The following CCDC17 variants were observed in gnomAD, a reference collection of about 807,000 sequenced individuals.
CCDC17 encodes coiled-coil domain containing 17.
In CCDC17, 79 loss-of-function variants were observed where a neutral mutation model predicts 68.0. The ratio of observed to expected loss-of-function variants is 1.16; its 90% CI spans 0.97 to 1.40. The LOEUF is 1.40. Among genes scored for constraint, CCDC17 ranks in the 40% most tolerant of loss-of-function variants. CCDC17 has a pLI of 0.00. For synonymous variants in CCDC17, 376 were observed against 337.5 expected, an observed-to-expected ratio of 1.11 and a Z score of -1.25; for missense variants, 846 against 811.5, an observed-to-expected ratio of 1.04 and a Z score of -0.52.
rs752446141 is a variant in CCDC17 at position 45,620,722 on chromosome 1, C to G, written c.1710+1G>C. ...GTCCCTAGCTGCAGCTGGGCCCTCA[C>G]CGGAGGTGGGTACTGGTACTCATGG... On this transcript the variant is annotated splice_donor_variant, in intron 12 of 12. Coordinates refer to ENST00000528266, the MANE Select transcript of CCDC17 (RefSeq NM_001114938.3). LOFTEE classifies it high-confidence loss of function. 16 of 1,596,322 alleles carry G rather than the reference C, an allele frequency of 1.0e-5. No individual in the cohort carries two copies. The highest frequency in any genetic ancestry group is 1.4e-5 in the Non-Finnish European group (16 of 1,171,380).
intron 6 of CCDC17, 71 bp downstream of exon 6, chr1:45,622,478 C>A: frequency 6.7e-7 from 1 of 1,495,556 alleles, no homozygotes; most frequent in Non-Finnish European, 9.1e-7. Flanking sequence ...CATCCACAGC[C>A]ACAGGCCCTC....
rs1569704205 is a variant in CCDC17, at chr1:45,623,994, A to C, written c.-85T>G. The C allele has an allele frequency of 1.0e-6, 1 of 967,450 alleles. No homozygotes were observed. The highest frequency in any genetic ancestry group is 2.6e-5 in the East Asian group (1 of 37,916). 59.9% of individuals were successfully genotyped at this position (967,450 alleles called of 1,614,324 possible). ...AAAGGCAGAGGAGGATGAAAGAGAC[A>C]TAAAGCCAGAGGCAGAGAGGAAAGG... On this transcript the variant is annotated 5_prime_UTR_variant, in exon 1 of 13. An upstream start codon of the reference 5' UTR is lost. Coordinates refer to ENST00000528266, the MANE Select transcript of CCDC17 (RefSeq NM_001114938.3).
rs1644333158 is a variant in CCDC17 at position 45,623,096 on chromosome 1, A to G, written c.515T>C (p.Val172Ala). ...RGEELSRRLQ[V>A]VACTRGGMSR... The stretch of plus-strand genomic sequence containing the variant: ...CATCCCGCCCCGCGTACAGGCCACA[A>G]CTTGGAGGCGTCGGCTCAGTTCTGA... Residue 172 changes from valine (V) to alanine (A), a missense_variant, in exon 4 of 13, where the codon GTT becomes GCT. By Grantham distance (64) the Val-to-Ala change is moderately conservative. Coordinates refer to ENST00000528266, the MANE Select transcript of CCDC17 (RefSeq NM_001114938.3). 6.3e-7 allele frequency: 1 copy of G among 1,582,988 alleles called. No homozygotes were observed. Among genetic ancestry groups the G allele is most frequent in the Non-Finnish European group, 8.6e-7 (1 of 1,165,038 alleles).
intron 12 of CCDC17, 54 bp downstream of exon 12, chr1:45,620,669 C>T (rs1644219318): frequency 6.4e-7 from 1 of 1,555,392 alleles, no homozygotes; most frequent in Non-Finnish European, 8.7e-7. Context: ...TTAGCCATAC[C>T]AGCCACACCG....
At chr1:45,622,498 C>A in intron 6 of CCDC17, 51 bp downstream of exon 6, 2 of 1,526,858 alleles carry the variant, frequency 1.3e-6, no homozygotes, top group South Asian at 1.2e-5. Flanking sequence ...CCCTCGAGTT[C>A]TTTTCTCCTC....
chr1:45,624,005 G>C lies in CCDC17; in HGVS notation c.-96C>G, dbSNP rs1644374401. 1.1e-6 allele frequency: 1 copy of C among 891,276 alleles called. No individual in the cohort carries two copies. The highest frequency in any genetic ancestry group is 1.7e-6 in the Non-Finnish European group (1 of 591,484). The allele number at this position is 891,276 out of a possible 1,614,324, so 55.2% of individuals were successfully genotyped here. A position where few individuals can be genotyped will look rare whatever the true frequency, so the allele number is the denominator to read the frequency against. The stretch of plus-strand genomic sequence containing the variant: ...AGGATGAAAGAGACATAAAGCCAGA[G>C]GCAGAGAGGAAAGGCCGTGTCTATT... On this transcript the variant is annotated 5_prime_UTR_variant, in exon 1 of 13. Coordinates refer to ENST00000528266, the MANE Select transcript of CCDC17 (RefSeq NM_001114938.3).
At position 45,621,981 on chromosome 1, in the gene CCDC17, G is replaced by A. The variant is rs111824448; in HGVS notation, c.982C>T (p.Arg328Ter). The change falls in exon 8 of 13, where the codon CGA becomes TGA. Residue 328 changes from arginine to a stop codon, truncating the protein, a stop_gained. Coordinates refer to ENST00000528266, the MANE Select transcript of CCDC17 (RefSeq NM_001114938.3). LOFTEE classifies it high-confidence loss of function. The part of the protein sequence containing the change: ...GRAPLGPQDL[R>*]LLGDASLQPK... The stretch of plus-strand genomic sequence containing the variant: ...TGTAGGCTGGCATCCCCCAGGAGTC[G>A]CAGATCCTGGGGCCCTAGGAGCAGA... 30 of 1,607,502 alleles carry A rather than the reference G, an allele frequency of 1.9e-5. No individual in the cohort carries two copies. Among genetic ancestry groups the A allele is most frequent in the South Asian group, 8.9e-5 (8 of 89,620 alleles).
At chr1:45,622,717 T>C (rs1210155590) in intron 5 of CCDC17, 34 bp downstream of exon 5, 1 of 1,561,998 alleles carries the variant, frequency 6.4e-7, no homozygotes, top group Admixed American at 1.9e-5. Flanking sequence ...GCTCAGCGCT[T>C]CGCCCTATGC....
At chr1:45,622,059 C>T in intron 7 of CCDC17, 64 bp from the exon 8 acceptor site, 2 of 1,493,640 alleles carry the variant, frequency 1.3e-6, no homozygotes, top group South Asian at 2.4e-5. Flanking sequence ...TGAGATACCC[C>T]TCCCCCAAGA....
intron 2 of CCDC17, 40 bp downstream of exon 2, chr1:45,623,517 C>G (rs1469183636): frequency 1.3e-6 from 2 of 1,548,644 alleles, no homozygotes; most frequent in Admixed American, 3.9e-5. Flanking sequence ...GGGGAAGACG[C>G]TCAACGTTTT....
Position 45,623,849 on chromosome 1 carries a change from G to T in CCDC17, c.61C>A (p.Arg21Ser). 1 of 1,550,766 alleles carries T rather than the reference G, an allele frequency of 6.4e-7. No individual in the cohort carries two copies. The highest frequency in any genetic ancestry group is 8.7e-7 in the Non-Finnish European group (1 of 1,146,504). The change falls in exon 1 of 13, where the codon CGC (arginine) becomes AGC (serine). Residue 21 changes from arginine (R) to serine (S), a missense_variant. By Grantham distance (110) the Arg-to-Ser change is moderately radical (BLOSUM62 -1). Transcript: ENST00000528266. The part of the protein sequence containing the change: ...LPCGTCDMVF[R>S]SSALLATHTQ... ...TGGGTGGCTAACAGAGCTGAGGAGCGGAAAACCATGTCACAGGTCCCACAG... is the reference window on the plus strand; with the variant it reads ...TGGGTGGCTAACAGAGCTGAGGAGCTGAAAACCATGTCACAGGTCCCACAG...
Position 45,622,630 on chromosome 1 carries a change from C to A in CCDC17, c.778G>T (p.Asp260Tyr). The A allele has an allele frequency of 6.4e-7, 1 of 1,556,670 alleles. No homozygotes were observed. ...REAYIRDGGRDPGVLGQIWQL... is the reference protein window; with the variant it reads ...REAYIRDGGRYPGVLGQIWQL... ...CATATCTGGCCCAGCACGCCGGGGT[C>A]CCGGCCCCCGTCTCGAATGTAGGCC... Residue 260 changes from aspartate (D) to tyrosine (Y), a missense_variant, in exon 6 of 13, where the codon GAC becomes TAC. Transcript: ENST00000528266.
chr1:45,622,418 C>A, intron 6 of CCDC17, 70 bp from the exon 7 acceptor site: 1 of 1,496,578 alleles, frequency 6.7e-7, no homozygotes. Flanking sequence ...GTGAGCAGCT[C>A]TCCAGCGCTA....
chr1:45,623,664 G>T lies in CCDC17; in HGVS notation c.175-12C>A. On this transcript the variant is annotated splice_polypyrimidine_tract_variant and intron_variant, in intron 1 of 12. Coordinates refer to ENST00000528266, the MANE Select transcript of CCDC17 (RefSeq NM_001114938.3). ...TCTTGTGGCACAACCTGGGGATAGG[G>T]TGTAGTAGGATGAGGAATCATAAAG... is the stretch of plus-strand genomic sequence containing the variant. 1 of 1,551,686 alleles carries T rather than the reference G, an allele frequency of 6.4e-7. No homozygotes were observed.
chr1:45,622,618 G>A lies in CCDC17; in HGVS notation c.790C>T (p.Leu264=). 6.4e-7 allele frequency: 1 copy of A among 1,556,880 alleles called. No homozygotes were observed. Among genetic ancestry groups the A allele is most frequent in the Non-Finnish European group, 8.7e-7 (1 of 1,150,280 alleles). Reference sequence around the variant, plus strand: ...ACCTGCAACTGCCATATCTGGCCCAGCACGCCGGGGTCCCGGCCCCCGTCT... The same window carrying A: ...ACCTGCAACTGCCATATCTGGCCCAACACGCCGGGGTCCCGGCCCCCGTCT... The part of the protein sequence containing the change: ...IRDGGRDPGV[L]GQIWQLQVEA... The change falls in exon 6 of 13, where the codon CTG becomes TTG. Residue 264 remains leucine (L), a synonymous_variant. Coordinates refer to ENST00000528266, the MANE Select transcript of CCDC17 (RefSeq NM_001114938.3).
At chr1:45,622,384 T>C (rs1157883257) in intron 6 of CCDC17, 36 bp from the exon 7 acceptor site, 1 of 1,572,436 alleles carries the variant, frequency 6.4e-7, no homozygotes, top group Admixed American at 1.9e-5. Flanking sequence ...ACCTTTGACC[T>C]CTGGTGACTG....
chr1:45,620,591 G>C (rs1644214694), intron 12 of CCDC17, 132 bp downstream of exon 12: 2 of 1,498,146 alleles, frequency 1.3e-6, no homozygotes, highest in Non-Finnish European at 1.8e-6. Flanking sequence ...GGACTTCATA[G>C]AGATGTGAGG....
chr1:45,621,533 C>T, intron 9 of CCDC17, 49 bp from the exon 10 acceptor site: 1 of 1,571,300 alleles, frequency 6.4e-7, no homozygotes. Context: ...CTTTCAACCT[C>T]CCTCCTCTCA....
rs767127659 is a variant in CCDC17, at chr1:45,623,204, C to G, written c.493+13G>C. 52 of 1,542,340 alleles carry G rather than the reference C, an allele frequency of 3.4e-5. No homozygotes were observed. Among genetic ancestry groups the G allele is most frequent in the Non-Finnish European group, 4.5e-5 (51 of 1,143,498 alleles). On this transcript the variant is annotated intron_variant, in intron 3 of 12. Transcript: ENST00000528266. ...AGAGGAGGTCCTTGGTCCCCGTCCC[C>G]CATCTCCTTCACCCTCGCCGCGTAG...
Sources: gnomAD v4.1 joint callset for allele counts on GRCh38, gnomAD v4.1.1 for gene constraint, MANE v1.5 for transcripts, NCBI Gene and HGNC (gene_info 2026-07-23, HGNC 2026-07-21) for gene names.